SDK1: variants seen among roughly 807,000 people sequenced by gnomAD.
SDK1 encodes the protein sidekick cell adhesion molecule 1, also known as protein sidekick-1.
In SDK1, 157 loss-of-function variants were observed where a neutral mutation model predicts 245.5. The observed-to-expected ratio is 0.64, with a 90% CI of 0.56 to 0.73. SDK1 has a LOEUF of 0.73. Among genes scored for constraint, SDK1 ranks in the 30% least tolerant of loss-of-function variants. The probability of loss-of-function intolerance (pLI) is 0.00; values close to 1 mark genes in which losing one functional copy is unlikely to be tolerated. For missense variants in SDK1, 3,583 were observed against 3,002.3 expected, an observed-to-expected ratio of 1.19 and a Z score of -4.52; for synonymous variants, 1,647 against 1,278.5, an observed-to-expected ratio of 1.29 and a Z score of -6.15.
At chr7:4,108,112 G>A (rs1299664435) in intron 22 of SDK1, among the ~76,000 whole-genome samples, 3 of 152,152 alleles carry the variant, frequency 2.0e-5, no homozygotes, top group African/African-American at 2.4e-5. Flanking sequence ...TCCCCGGATC[G>A]TGAAGTTCAT....
chr7:3,638,620 AC>A (rs1223971831), intron 2 of SDK1, among the ~76,000 whole-genome samples: 1 of 114,528 alleles, frequency 8.7e-6, no homozygotes, highest in African/African-American at 3.4e-5. Context: ...AACATCACAC[AC>A]CGGGGCCTGT....
chr7:4,086,412 G>T (rs190292521), intron 22 of SDK1, among the ~76,000 whole-genome samples: 1 of 152,238 alleles, frequency 6.6e-6, no homozygotes, highest in Non-Finnish European at 1.5e-5. Context: ...TCTTCCGGAA[G>T]CTCTGGGGAT....
intron 14 of SDK1, among the ~76,000 whole-genome samples, chr7:4,005,016 T>C (rs1235219468): frequency 4.7e-5 from 7 of 150,208 alleles, no homozygotes; most frequent in Non-Finnish European, 8.9e-5. Context: ...CTGGTAATTC[T>C]GGTGTTTAAT....
At chr7:3,624,654 G>C (rs931197152) in intron 2 of SDK1, among the ~76,000 whole-genome samples, 1 of 151,864 alleles carries the variant, frequency 6.6e-6, no homozygotes, top group African/African-American at 2.4e-5. Flanking sequence ...TAAAACCCAA[G>C]GCATATTAGA....
chr7:3,646,161 T>C (rs1451684907), intron 4 of SDK1, among the ~76,000 whole-genome samples: 1 of 152,218 alleles, frequency 6.6e-6, no homozygotes, highest in East Asian at 1.9e-4. Context: ...CCAGCCTTTC[T>C]GCACCTATTT....
intron 4 of SDK1, among the ~76,000 whole-genome samples, chr7:3,788,640 C>G (rs1200856814): frequency 6.6e-6 from 1 of 152,166 alleles, no homozygotes; most frequent in Non-Finnish European, 1.5e-5. Context: ...ATAAAATATA[C>G]TAACACTACC....
intron 4 of SDK1, among the ~76,000 whole-genome samples, chr7:3,817,089 C>T (rs1779526268): frequency 6.6e-6 from 1 of 151,964 alleles, no homozygotes; most frequent in African/African-American, 2.4e-5. Context: ...ATATTACCAC[C>T]CTAGTTTGTG....
At chr7:4,048,929 C>T (rs1021429695) in intron 17 of SDK1, among the ~76,000 whole-genome samples, 2 of 152,190 alleles carry the variant, frequency 1.3e-5, no homozygotes, top group Admixed American at 6.5e-5. Flanking sequence ...CCCCACCCCC[C>T]GCCTCAATGT....
intron 1 of SDK1, among the ~76,000 whole-genome samples, chr7:3,359,372 G>T (rs796234617): frequency 2.0e-5 from 3 of 152,138 alleles, no homozygotes; most frequent in Non-Finnish European, 4.4e-5. Flanking sequence ...TTTTGTCTAA[G>T]GTTAAGTTTT....
rs758245711 is a variant in SDK1 at position 4,114,266 on chromosome 7, G to A, written c.3815G>A (p.Arg1272Gln). Residue 1272 changes from arginine to glutamine, a missense_variant, in exon 25 of 45, where the codon CGG becomes CAG. Physicochemically the swap from Arg to Gln is conservative, Grantham distance 43. Coordinates refer to ENST00000404826, the MANE Select transcript of SDK1 (RefSeq NM_152744.4). ...PWSEVVRGRT[R>Q]ESVPSAAPEN... ...AGCGAGGTGGTGCGGGGCCGGACGC[G>A]GGAGTCAGGTGAGGGGAAGGCGATT... 3.3e-5 allele frequency: 53 copies of A among 1,601,556 alleles called. No homozygotes were observed. The highest frequency in any genetic ancestry group is 3.9e-5 in the Non-Finnish European group (46 of 1,175,140).
At position 3,965,300 on chromosome 7, in the gene SDK1, G is replaced by T. The variant is rs558673203; in HGVS notation, c.1430-2018G>T. 3.3e-5 allele frequency among the ~76,000 whole-genome samples: 5 copies of T among 152,098 alleles called. No individual in the cohort carries two copies. In the East Asian group the frequency reaches 9.7e-4, roughly 29 times the overall value. On this transcript the variant is annotated intron_variant, in intron 9 of 44. Coordinates refer to ENST00000404826, the MANE Select transcript of SDK1 (RefSeq NM_152744.4). ...AAAAAGAACCCAGAGAACATCTCTG[G>T]GTTTCTCTCAGCCTCAGTTTTCTCA...
rs1554307103 is a variant in SDK1 at position 3,672,759 on chromosome 7, T to TATATATACATATATATATATA, written c.713+30654_713+30655insATATATACATATATATATATA. Among the ~76,000 whole-genome samples the TATATATACATATATATATATA allele has an allele frequency of 8.7e-3, 439 of 50,400 alleles. 27 individuals are homozygous for TATATATACATATATATATATA. The highest frequency in any genetic ancestry group is 0.014 in the African/African-American group (162 of 11,454). 33.1% of individuals were successfully genotyped at this position (50,400 alleles called of 152,430 possible). A position where few individuals can be genotyped will look rare whatever the true frequency, so the allele number is the denominator to read the frequency against. ...ATATATATTTTTATAATATATAATT[T>TATATATACATATATATATATA]TATATATATATATATATATATATAT... is the stretch of plus-strand genomic sequence containing the variant. On this transcript the variant is annotated intron_variant, in intron 4 of 44. Coordinates refer to ENST00000404826, the MANE Select transcript of SDK1 (RefSeq NM_152744.4).
intron 4 of SDK1, among the ~76,000 whole-genome samples, chr7:3,731,319 G>C (rs1243217226): frequency 6.6e-6 from 1 of 152,142 alleles, no homozygotes; most frequent in African/African-American, 2.4e-5. Flanking sequence ...ACAAGCTGCT[G>C]CTTATGTCCA....
chr7:4,248,081 A>G (rs1440810335), intron 44 of SDK1, among the ~76,000 whole-genome samples: 1 of 152,160 alleles, frequency 6.6e-6, no homozygotes, highest in African/African-American at 2.4e-5. Flanking sequence ...GAGATTTAAC[A>G]TCGGCAAATG....
At chr7:3,936,436 T>G (rs1780161097) in intron 5 of SDK1, among the ~76,000 whole-genome samples, 1 of 151,444 alleles carries the variant, frequency 6.6e-6, no homozygotes, top group Admixed American at 6.6e-5. Flanking sequence ...AAAAAAAAAA[T>G]TAGCCAGGCA....
chr7:3,331,137 G>A (rs1158726340), intron 1 of SDK1, among the ~76,000 whole-genome samples: 7 of 152,032 alleles, frequency 4.6e-5, no homozygotes, highest in Admixed American at 2.6e-4. Context: ...GGTGGTGTGC[G>A]CCTGTAATCC....
At chr7:3,742,378 T>G (rs1489811454) in intron 4 of SDK1, among the ~76,000 whole-genome samples, 2 of 152,060 alleles carry the variant, frequency 1.3e-5, no homozygotes, top group Non-Finnish European at 2.9e-5. Context: ...GTGAACGTGT[T>G]CCTCCCAGCT....
At chr7:4,000,775 C>T (rs1230152916) in intron 14 of SDK1, among the ~76,000 whole-genome samples, 2 of 152,236 alleles carry the variant, frequency 1.3e-5, no homozygotes, top group Non-Finnish European at 2.9e-5. Context: ...TTTCTAATGG[C>T]CTCGGACTTT....
At position 3,756,971 on chromosome 7, in the gene SDK1, AT is replaced by A. The variant is rs953399829; in HGVS notation, c.714-64470del. Reference sequence around the variant, plus strand: ...TAGGGTTTTCCACTATAAAGTTACCATTTTTTTTTCCGTATCCTATTCTTGA... The same window carrying A: ...TAGGGTTTTCCACTATAAAGTTACCATTTTTTTTCCGTATCCTATTCTTGA... On this transcript the variant is annotated intron_variant, in intron 4 of 44. Coordinates refer to ENST00000404826, the MANE Select transcript of SDK1 (RefSeq NM_152744.4). Among the ~76,000 whole-genome samples the A allele has an allele frequency of 4.6e-5, 7 of 150,902 alleles. No individual in the cohort carries two copies. The East Asian group carries it at 1.2e-3, about 25-fold the overall frequency.
Sources: gnomAD v4.1 joint callset for allele counts (sites outside exome capture counted in the v4.1 genomes callset) on GRCh38, gnomAD v4.1.1 for gene constraint, MANE v1.5 for transcripts, NCBI Gene and HGNC (gene_info 2026-07-23, HGNC 2026-07-21) for gene names.